NCOA2: variants seen among roughly 807,000 people sequenced by gnomAD.
NCOA2 encodes the protein class E basic helix-loop-helix protein 75.
In NCOA2, 21 loss-of-function variants were observed where a neutral mutation model predicts 145.1. The ratio of observed to expected loss-of-function variants is 0.14; its 90% CI spans 0.10 to 0.21. NCOA2 has a LOEUF of 0.21. Ranked by LOEUF, NCOA2 falls within the 10% of genes least tolerant of loss-of-function variation. The pLI is 1.00. For missense variants in NCOA2, 1,472 were observed against 1,837.6 expected (o/e 0.80, Z 3.64); for synonymous variants, 619 against 637.5 (o/e 0.97, Z 0.44).
intron 1 of NCOA2, among the ~76,000 whole-genome samples, chr8:70,340,029 G>A (rs1385399268): frequency 6.6e-6 from 1 of 152,060 alleles, no homozygotes; most frequent in Non-Finnish European, 1.5e-5. Flanking sequence ...CATAAGCATG[G>A]GCAAAGATTT....
intron 2 of NCOA2, among the ~76,000 whole-genome samples, chr8:70,237,389 G>A (rs1049963998): frequency 1.3e-5 from 2 of 148,956 alleles, no homozygotes; most frequent in Admixed American, 1.3e-4. Context: ...TACTGTGCAT[G>A]TCTCATCTCA....
chr8:70,358,058 AC>A (rs1317641832), intron 1 of NCOA2, among the ~76,000 whole-genome samples: 2 of 152,140 alleles, frequency 1.3e-5, no homozygotes, highest in Non-Finnish European at 2.9e-5. Flanking sequence ...CGCAAAAAAA[AC>A]AAAACAGAAC....
chr8:70,190,606 C>A (rs1241336090), intron 4 of NCOA2, among the ~76,000 whole-genome samples: 1 of 152,156 alleles, frequency 6.6e-6, no homozygotes, highest in Non-Finnish European at 1.5e-5. Flanking sequence ...AATTCCAGAA[C>A]TTTGGGAGGC....
chr8:70,121,436 C>A, intron 21 of NCOA2, 45 bp from the exon 22 acceptor site: 2 of 1,490,426 alleles, frequency 1.3e-6, no homozygotes, highest in Non-Finnish European at 1.9e-6. Flanking sequence ...AGCAGAATGT[C>A]CAAGAGTGCA....
intron 1 of NCOA2, among the ~76,000 whole-genome samples, chr8:70,380,370 C>T (rs1812073872): frequency 6.6e-6 from 1 of 152,106 alleles, no homozygotes; most frequent in East Asian, 1.9e-4. Flanking sequence ...TCATACTCCT[C>T]ACTCGCACAG....
chr8:70,412,210 G>A, the NCOA2 span, among the ~76,000 whole-genome samples: 882 of 152,076 alleles, frequency 5.8e-3, 5 homozygotes, highest in African/African-American at 0.02. Flanking sequence ...AGGAGTTCAA[G>A]CAGCAGTGAG....
chr8:70,342,816 CACACAT>C (rs1406944381), intron 1 of NCOA2, among the ~76,000 whole-genome samples: 4 of 142,614 alleles, frequency 2.8e-5, no homozygotes, highest in South Asian at 2.2e-4. Context: ...CACACACACA[CACACAT>C]CCCTACATGG....
At chr8:70,144,977 A>G (rs1308852200) in intron 12 of NCOA2, 129 bp from the exon 13 acceptor site, 3 of 760,954 alleles carry the variant, frequency 3.9e-6, no homozygotes, top group Non-Finnish European at 6.4e-6. Context: ...TACCTAGATA[A>G]AAGACAAAAT....
At chr8:70,384,768 C>T (rs1812511062) in intron 1 of NCOA2, among the ~76,000 whole-genome samples, 1 of 152,260 alleles carries the variant, frequency 6.6e-6, no homozygotes, top group Admixed American at 6.5e-5. Flanking sequence ...TAAAACAGCA[C>T]TGTCAGGTTC....
At chr8:70,282,022 T>A (rs1825923587) in intron 2 of NCOA2, among the ~76,000 whole-genome samples, 2 of 152,220 alleles carry the variant, frequency 1.3e-5, no homozygotes, top group South Asian at 4.1e-4. Flanking sequence ...AGGAATATCA[T>A]TCTGAATATT....
chr8:70,248,619 G>T (rs190983170), intron 2 of NCOA2, among the ~76,000 whole-genome samples: 69 of 152,192 alleles, frequency 4.5e-4, no homozygotes, highest in Middle Eastern at 3.4e-3. Context: ...GATATAAAAG[G>T]TATAGAATCT....
At position 70,156,191 on chromosome 8, in the gene NCOA2, C is replaced by A; in HGVS notation, c.2174G>T (p.Gly725Val). The A allele has an allele frequency of 6.2e-7, 1 of 1,613,916 alleles. No individual in the cohort carries two copies. ...CTCTTGTTTAATAGTCACTTCTGATCCAGGAGCTGTGCTGCTGGACTCCTG... is the reference window on the plus strand; with the variant it reads ...CTCTTGTTTAATAGTCACTTCTGATACAGGAGCTGTGCTGCTGGACTCCTG... ...LSQESSSTAP[G>V]SEVTIKQEPV... The change falls in exon 11 of 23, where the codon GGA (glycine) becomes GTA (valine). Residue 725 changes from glycine (G) to valine (V), a missense_variant. By Grantham distance (109) the Gly-to-Val change is moderately radical. Around this residue, in one of 4 missense-constraint regions of NCOA2, gnomAD observed 953 missense variants for 1,062.1 expected, o/e 0.90. Coordinates refer to ENST00000452400, the MANE Select transcript of NCOA2 (RefSeq NM_006540.4).
chr8:70,406,165 A>G (rs1814775312), upstream of NCOA2, among the ~76,000 whole-genome samples: 2 of 152,204 alleles, frequency 1.3e-5, no homozygotes, highest in Admixed American at 1.3e-4. Context: ...CAAGGAATGT[A>G]TGATGTTTGT....
rs74705316 is a variant in NCOA2 at position 70,359,669 on chromosome 8, C to T, written c.-77+44031G>A. Among the ~76,000 whole-genome samples the T allele has an allele frequency of 5.9e-3, 895 of 152,142 alleles. 5 individuals carry two copies. Among genetic ancestry groups the T allele is most frequent in the African/African-American group, 0.02 (835 of 41,526 alleles). ...GTGGTTACAAAATATTATGCATGTA[C>T]CAAATTCCAATGAATTGTTTGCTTT... On this transcript the variant is annotated intron_variant, in intron 1 of 22. Coordinates refer to ENST00000452400, the MANE Select transcript of NCOA2 (RefSeq NM_006540.4).
intron 2 of NCOA2, among the ~76,000 whole-genome samples, chr8:70,253,738 CA>C (rs1421640393): frequency 6.6e-6 from 1 of 151,974 alleles, no homozygotes; most frequent in Non-Finnish European, 1.5e-5. Flanking sequence ...CTTACGCATA[CA>C]AAAATTAACT....
At chr8:70,286,174 A>T (rs1330571656) in intron 2 of NCOA2, among the ~76,000 whole-genome samples, 2 of 152,084 alleles carry the variant, frequency 1.3e-5, no homozygotes, top group East Asian at 3.8e-4. Context: ...GTGCTTTGGG[A>T]GGCTGAGGTG....
chr8:70,118,935 G>A lies in NCOA2; in HGVS notation c.4383+2367C>T, dbSNP rs778095990. On this transcript the variant is annotated intron_variant, in intron 22 of 22. Transcript: ENST00000452400. ...ACTCTTGACCTCAGGTGATCCATCC[G>A]CCTCAGCCTCCGAAAGTGTTGGGAT... 4.6e-5 allele frequency among the ~76,000 whole-genome samples: 7 copies of A among 151,986 alleles called. No individual in the cohort carries two copies. In the South Asian group the frequency reaches 6.2e-4, roughly 14 times the overall value.
At chr8:70,364,045 A>G (rs980781998) in intron 1 of NCOA2, among the ~76,000 whole-genome samples, 22 of 151,982 alleles carry the variant, frequency 1.4e-4, no homozygotes, top group African/African-American at 4.6e-4. Flanking sequence ...GACTCAAAGA[A>G]TGGAAAAAAA....
At position 70,113,456 on chromosome 8, in the gene NCOA2, T is replaced by G. The variant is rs1337155241; in HGVS notation, c.*176A>C. 6 of 639,564 alleles carry G rather than the reference T, an allele frequency of 9.4e-6. No individual in the cohort carries two copies. The East Asian group carries it at 1.6e-4, about 17-fold the overall frequency. 39.6% of individuals were successfully genotyped at this position (639,564 alleles called of 1,614,324 possible). A position where few individuals can be genotyped will look rare whatever the true frequency, so the allele number is the denominator to read the frequency against. On this transcript the variant is annotated 3_prime_UTR_variant, in exon 23 of 23. Transcript: ENST00000452400. Reference sequence around the variant, plus strand: ...TCAGACTGTCAAGAGAAGAGGCAGCTCCTCCTGCCACAGCCGAGTGGACGC... The same window carrying G: ...TCAGACTGTCAAGAGAAGAGGCAGCGCCTCCTGCCACAGCCGAGTGGACGC...
Sources: gnomAD v4.1 joint callset for allele counts (sites outside exome capture counted in the v4.1 genomes callset) on GRCh38, gnomAD v4.1.1 for gene constraint, gnomAD v4.1.1 regional missense constraint, MANE v1.5 for transcripts, NCBI Gene and HGNC (gene_info 2026-07-23, HGNC 2026-07-21) for gene names.